SNAP91: variants seen among roughly 807,000 people sequenced by gnomAD.
SNAP91 encodes synaptosome associated protein 91.
Under a neutral mutation model 100.3 loss-of-function variants are expected in SNAP91, and 27 were observed. The observed-to-expected ratio is 0.27, with a 90% confidence interval of 0.20 to 0.37. SNAP91 has a LOEUF of 0.37. Among genes scored for constraint, SNAP91 ranks in the 10% least tolerant of loss-of-function variants. The pLI is 1.00. For missense variants in SNAP91, 986 were observed against 1,123.7 expected, an observed-to-expected ratio of 0.88 and a Z score of 1.75; for synonymous variants, 404 against 398.6, an observed-to-expected ratio of 1.01 and a Z score of -0.16.
chr6:83,659,581 C>T (rs1422698545), intron 5 of SNAP91, among the ~76,000 whole-genome samples: 2 of 151,864 alleles, frequency 1.3e-5, no homozygotes, highest in Admixed American at 6.6e-5. Flanking sequence ...CATGCCACCA[C>T]ACCCGGTTAA....
chr6:83,597,539 T>C (rs946074012), intron 16 of SNAP91, among the ~76,000 whole-genome samples: 1 of 152,216 alleles, frequency 6.6e-6, no homozygotes, highest in Admixed American at 6.5e-5. Flanking sequence ...GTGCTCCTGC[T>C]GTTCTTCAAT....
chr6:83,706,629 C>A (rs1350566965), intron 2 of SNAP91, among the ~76,000 whole-genome samples: 1 of 152,142 alleles, frequency 6.6e-6, no homozygotes, highest in Non-Finnish European at 1.5e-5. Context: ...GATAATAGGG[C>A]TAGAGTGAAT....
At chr6:83,555,222 A>C (rs947021637) in intron 29 of SNAP91, among the ~76,000 whole-genome samples, 1 of 123,386 alleles carries the variant, frequency 8.1e-6, no homozygotes, top group Non-Finnish European at 1.9e-5. Flanking sequence ...ATCTTGTATA[A>C]GAAAAAAAAA....
Position 83,601,581 on chromosome 6 carries a change from T to C in SNAP91, c.1156+4A>G, listed in dbSNP as rs372241055. The C allele has an allele frequency of 3.1e-6, 5 of 1,613,446 alleles. No individual in the cohort carries two copies. In the African/African-American group the frequency reaches 6.7e-5, roughly 22 times the overall value. The stretch of plus-strand genomic sequence containing the variant: ...TGGAAGTTTAAAAACAAAGCTTTAC[T>C]CACCCTCTCCCAAAAGGTCTACCGA... On this transcript the variant is annotated splice_donor_region_variant and intron_variant, in intron 15 of 29. Transcript: ENST00000369694.
chr6:83,630,364 G>A (rs1376363666), intron 8 of SNAP91, among the ~76,000 whole-genome samples: 1 of 152,046 alleles, frequency 6.6e-6, no homozygotes, highest in Non-Finnish European at 1.5e-5. Flanking sequence ...TGGGCTAACA[G>A]AATGATTTAG....
intron 11 of SNAP91, among the ~76,000 whole-genome samples, 187 bp downstream of exon 11, chr6:83,614,670 G>T (rs978807700): frequency 5.9e-5 from 9 of 152,014 alleles, no homozygotes; most frequent in African/African-American, 1.9e-4. Context: ...AAGACCGAAA[G>T]AAAGTAAAAC....
At chr6:83,650,437 G>T (rs1238655618) in intron 7 of SNAP91, among the ~76,000 whole-genome samples, 1 of 151,868 alleles carries the variant, frequency 6.6e-6, no homozygotes, top group Non-Finnish European at 1.5e-5. Context: ...AATTTTTTTT[G>T]AGATGGAGTC....
At chr6:83,708,143 T>G (rs2129090675) in intron 1 of SNAP91, 186 bp from the exon 2 acceptor site, 1 of 505,158 alleles carries the variant, frequency 2.0e-6, no homozygotes, top group East Asian at 3.6e-5. Context: ...GTCTTGGCCG[T>G]GAGTAGGGCC....
Position 83,665,600 on chromosome 6 carries a change from T to C in SNAP91, c.131-19A>G. 1 of 1,600,588 alleles carries C rather than the reference T, an allele frequency of 6.2e-7. No homozygotes were observed. The highest frequency in any genetic ancestry group is 8.5e-7 in the Non-Finnish European group (1 of 1,174,402). The stretch of plus-strand genomic sequence containing the variant: ...ATCAAATCTATGAAAATAGAAGATA[T>C]TAATCAATGATATTAACAATTACAT... On this transcript the variant is annotated intron_variant, in intron 2 of 29. Transcript: ENST00000369694.
chr6:83,622,661 C>T (rs1020578321), intron 9 of SNAP91, among the ~76,000 whole-genome samples: 16 of 151,010 alleles, frequency 1.1e-4, no homozygotes, highest in African/African-American at 3.5e-4. Flanking sequence ...ATACTATACC[C>T]ATGAATGACC....
chr6:83,641,387 T>G lies in SNAP91; in HGVS notation c.659-185A>C, dbSNP rs141684534. Among the ~76,000 whole-genome samples the G allele has an allele frequency of 1.8e-3, 278 of 152,286 alleles. 1 individual carries two copies. The highest frequency in any genetic ancestry group is 5.8e-3 in the African/African-American group (242 of 41,582). On this transcript the variant is annotated intron_variant, in intron 7 of 29. Transcript: ENST00000369694. ...CCTGAATAGATTAAGAAAAGTGTTA[T>G]GTTCCAAGATAATCATCTGTCTCAA...
At chr6:83,633,487 G>C (rs575737374) in intron 8 of SNAP91, among the ~76,000 whole-genome samples, 1 of 152,162 alleles carries the variant, frequency 6.6e-6, no homozygotes, top group African/African-American at 2.4e-5. Context: ...GGTAGGGAAG[G>C]ACCACTGGGC....
At chr6:83,695,373 AT>A (rs2099191852) in intron 2 of SNAP91, among the ~76,000 whole-genome samples, 1 of 151,798 alleles carries the variant, frequency 6.6e-6, no homozygotes, top group Non-Finnish European at 1.5e-5. Flanking sequence ...CACCTCATAA[AT>A]TTTCTTTTCC....
intron 14 of SNAP91, among the ~76,000 whole-genome samples, chr6:83,604,121 A>C (rs754423281): frequency 6.6e-6 from 1 of 152,206 alleles, no homozygotes; most frequent in Non-Finnish European, 1.5e-5. Context: ...ATGCCAGGGA[A>C]TATGGAAAAG....
intron 8 of SNAP91, among the ~76,000 whole-genome samples, chr6:83,623,931 C>A (rs140538311): frequency 3.9e-5 from 6 of 152,014 alleles, no homozygotes; most frequent in African/African-American, 1.4e-4. Flanking sequence ...GACATATATC[C>A]ATATCAACAC....
intron 2 of SNAP91, chr6:83,678,855 G>T: frequency 7.9e-7 from 1 of 1,263,646 alleles, no homozygotes. Context: ...TTTTCTCTCG[G>T]AAGTACCAAG....
At chr6:83,602,177 T>G (rs2095295722) in intron 14 of SNAP91, among the ~76,000 whole-genome samples, 1 of 152,192 alleles carries the variant, frequency 6.6e-6, no homozygotes, top group South Asian at 2.1e-4. Context: ...ATCCTCTGTA[T>G]TCTTTCAGCC....
intron 2 of SNAP91, among the ~76,000 whole-genome samples, chr6:83,691,059 T>C (rs1225479567): frequency 1.3e-5 from 2 of 152,062 alleles, no homozygotes; most frequent in African/African-American, 4.8e-5. Context: ...GCCTGGCTAA[T>C]TGTAGCAATT....
chr6:83,647,078 GTT>G (rs34565370), intron 7 of SNAP91, among the ~76,000 whole-genome samples: 1 of 145,938 alleles, frequency 6.9e-6, no homozygotes, highest in Non-Finnish European at 1.5e-5. Flanking sequence ...AGTTCCAGGA[GTT>G]TTTTTTTTTT....
Sources: allele counts gnomAD v4.1 joint callset (sites outside exome capture counted in the v4.1 genomes callset), GRCh38; gene constraint gnomAD v4.1.1; transcripts MANE v1.5; gene names NCBI Gene and HGNC (gene_info 2026-07-23, HGNC 2026-07-21).